The following GRSF1 variants were observed in gnomAD, a reference collection of about 807,000 sequenced individuals.
GRSF1 encodes G-rich sequence factor 1.
A neutral mutation model predicts 51.1 loss-of-function variants in GRSF1; 50 were observed. That is an observed-to-expected ratio of 0.98 (90% CI 0.78 to 1.24). The LOEUF is 1.24. GRSF1 is among the 50% of genes most tolerant of loss of function. The pLI, the probability that GRSF1 is intolerant of heterozygous loss-of-function variation, is 0.00. For synonymous variants in GRSF1, 293 were observed against 253.3 expected, an observed-to-expected ratio of 1.16 and a Z score of -1.49; for missense variants, 700 against 639.7, an observed-to-expected ratio of 1.09 and a Z score of -1.02.
chr4:70,837,478 C>T (rs1734261380), intron 1 of GRSF1, among the ~76,000 whole-genome samples: 2 of 145,828 alleles, frequency 1.4e-5, no homozygotes, highest in Admixed American at 1.4e-4. Context: ...GCAGGATAAT[C>T]GCCTGAACCC....
intron 5 of GRSF1, among the ~76,000 whole-genome samples, chr4:70,829,283 C>A (rs1037851962): frequency 3.3e-5 from 5 of 151,168 alleles, no homozygotes; most frequent in Admixed American, 1.3e-4. Flanking sequence ...AGCACTACTT[C>A]TTTAAAAAAA....
chr4:70,829,692 C>T (rs935183040), intron 5 of GRSF1, among the ~76,000 whole-genome samples: 5 of 152,118 alleles, frequency 3.3e-5, no homozygotes, highest in Non-Finnish European at 7.4e-5. Flanking sequence ...GTGGTACCAG[C>T]TACAAGGAAA....
In GRSF1 at chr4:70,839,627, C is replaced by G. The variant is rs1169445026; in HGVS notation, c.201G>C (p.Gln67His). Residue 67 changes from glutamine (Q) to histidine (H), a missense_variant, in exon 1 of 10, where the codon CAG (glutamine) becomes CAC (histidine). Gln to His is a conservative substitution (Grantham distance 24, BLOSUM62 0). Coordinates refer to ENST00000254799, the MANE Select transcript of GRSF1 (RefSeq NM_002092.4). ...AAAASQTRGL[Q>H]TGPVPPGRLA... ...GCCTCCCGGGAGGCACAGGCCCGGT[C>G]TGGAGGCCACGCGTCTGGGAGGCAG... The G allele has an allele frequency of 7.1e-7, 1 of 1,404,056 alleles. No individual in the cohort carries two copies. Among genetic ancestry groups the G allele is most frequent in the African/African-American group, 1.5e-5 (1 of 65,694 alleles). The allele number at this position is 1,404,056 out of a possible 1,614,324, so 87.0% of individuals were successfully genotyped here.
intron 6 of GRSF1, among the ~76,000 whole-genome samples, chr4:70,826,739 T>A (rs977078101): frequency 3.3e-5 from 5 of 152,034 alleles, no homozygotes; most frequent in Non-Finnish European, 7.4e-5. Flanking sequence ...TTCCAGCTAC[T>A]CAGGAGGCTG....
rs1474510072 is a variant in GRSF1 at position 70,819,913 on chromosome 4, CACACAATTAT to C, written c.*964_*973del. 3 of 152,638 alleles carry C rather than the reference CACACAATTAT, an allele frequency of 2.0e-5. No individual in the cohort carries two copies. The highest frequency in any genetic ancestry group is 2.9e-5 in the Non-Finnish European group (2 of 68,040). 9.5% of individuals were successfully genotyped at this position (152,638 alleles called of 1,614,324 possible). On this transcript the variant is annotated 3_prime_UTR_variant, in exon 10 of 10. Transcript: ENST00000254799. ...AGTACAGCTTTATCCATAAACCCTT[CACACAATTAT>C]ACATTAAATGCTATTTTTATTTAAG...
At chr4:70,830,456 A>C (rs1560598352) in intron 5 of GRSF1, among the ~76,000 whole-genome samples, 1 of 151,592 alleles carries the variant, frequency 6.6e-6, no homozygotes, top group Non-Finnish European at 1.5e-5. Context: ...TAAAAAAAAA[A>C]AAAAAACACA....
chr4:70,825,504 ATCTT>A, intron 7 of GRSF1, 73 bp from the exon 8 acceptor site: 1 of 1,240,022 alleles, frequency 8.1e-7, no homozygotes, highest in Non-Finnish European at 1.1e-6. Flanking sequence ...GTGGCTCTTC[ATCTT>A]TCTTTCAGAC....
At chr4:70,824,231 A>T in intron 9 of GRSF1, 63 bp downstream of exon 9, 1 of 743,048 alleles carries the variant, frequency 1.3e-6, no homozygotes, top group Non-Finnish European at 2.4e-6. Flanking sequence ...TGGCCTCCCA[A>T]AGTACTGGGA....
At chr4:70,836,615 G>A (rs540123464) in intron 1 of GRSF1, among the ~76,000 whole-genome samples, 1 of 152,260 alleles carries the variant, frequency 6.6e-6, no homozygotes, top group African/African-American at 2.4e-5. Context: ...GAAAGGTCCT[G>A]ACAATTTGAC....
Position 70,818,887 on chromosome 4 carries a change from T to C in GRSF1, c.*2000A>G, listed in dbSNP as rs1263507586. Reference sequence around the variant, plus strand: ...AGTCTTCTCAAATGTGGGGAGACGGTACCGTCTTCCACTTGCATGGAAATA... The same window carrying C: ...AGTCTTCTCAAATGTGGGGAGACGGCACCGTCTTCCACTTGCATGGAAATA... On this transcript the variant is annotated 3_prime_UTR_variant, in exon 10 of 10. Transcript: ENST00000254799. 6.6e-6 allele frequency: 1 copy of C among 152,194 alleles called. No homozygotes were observed. Among genetic ancestry groups the C allele is most frequent in the Non-Finnish European group, 1.5e-5 (1 of 68,038 alleles). The allele number at this position is 152,194 out of a possible 1,614,324, so 9.4% of individuals were successfully genotyped here.
chr4:70,827,968 T>C lies in GRSF1; in HGVS notation c.1019A>G (p.Lys340Arg). 1.2e-6 allele frequency: 2 copies of C among 1,612,798 alleles called. No homozygotes were observed. Among genetic ancestry groups the C allele is most frequent in the Middle Eastern group, 1.7e-4 (1 of 6,056 alleles). Residue 340 changes from lysine to arginine, a missense_variant, in exon 6 of 10, where the codon AAA becomes AGA. By Grantham distance (26) the Lys-to-Arg change is conservative. Coordinates refer to ENST00000254799, the MANE Select transcript of GRSF1 (RefSeq NM_002092.4). ...RTHVGSYKGK[K>R]IASFPTAKYI... ...CTTAGCAGTAGGAAAAGATGCGATTTTCTTTCCCTTATAAGAACCGACATG... is the reference window on the plus strand; with the variant it reads ...CTTAGCAGTAGGAAAAGATGCGATTCTCTTTCCCTTATAAGAACCGACATG...
chr4:70,830,928 G>A (rs1184038208), intron 5 of GRSF1, among the ~76,000 whole-genome samples: 1 of 151,984 alleles, frequency 6.6e-6, no homozygotes, highest in African/African-American at 2.4e-5. Flanking sequence ...TTGAAATTAT[G>A]TAAAAAAATT....
rs991974590 is a variant in GRSF1, at chr4:70,831,143, G to A, written c.950+396C>T. ...GAGGCCGAGGCGGGCGGATCACAAG[G>A]TCGAGAGATCGAGACCACCCTGGCC... On this transcript the variant is annotated intron_variant, in intron 5 of 9. Transcript: ENST00000254799. Among the ~76,000 whole-genome samples, 5 of 151,976 alleles carry A rather than the reference G, an allele frequency of 3.3e-5. No individual in the cohort carries two copies. In the East Asian group the frequency reaches 9.8e-4, roughly 30 times the overall value.
rs1733405931 is a variant in GRSF1 at position 70,818,877 on chromosome 4, G to A, written c.*2010C>T. 1 of 152,096 alleles carries A rather than the reference G, an allele frequency of 6.6e-6. No individual in the cohort carries two copies. Among genetic ancestry groups the A allele is most frequent in the African/African-American group, 2.4e-5 (1 of 41,416 alleles). The allele number at this position is 152,096 out of a possible 1,614,324, so 9.4% of individuals were successfully genotyped here. A position where few individuals can be genotyped will look rare whatever the true frequency, so the allele number is the denominator to read the frequency against. The stretch of plus-strand genomic sequence containing the variant: ...GATGCAAAACAGTCTTCTCAAATGT[G>A]GGGAGACGGTACCGTCTTCCACTTG... On this transcript the variant is annotated 3_prime_UTR_variant, in exon 10 of 10. Coordinates refer to ENST00000254799, the MANE Select transcript of GRSF1 (RefSeq NM_002092.4).
intron 7 of GRSF1, 38 bp from the exon 8 acceptor site, chr4:70,825,469 G>A: frequency 6.4e-7 from 1 of 1,571,658 alleles, no homozygotes; most frequent in Non-Finnish European, 8.7e-7. Flanking sequence ...GGAACATGAT[G>A]GATGTAAACC....
At position 70,818,651 on chromosome 4, in the gene GRSF1, C is replaced by T. The variant is rs868196979; in HGVS notation, c.*2236G>A. The T allele has an allele frequency of 6.6e-6, 1 of 152,214 alleles. No individual in the cohort carries two copies. The highest frequency in any genetic ancestry group is 2.1e-4 in the South Asian group (1 of 4,834). The allele number at this position is 152,214 out of a possible 1,614,324, so 9.4% of individuals were successfully genotyped here. A position where few individuals can be genotyped will look rare whatever the true frequency, so the allele number is the denominator to read the frequency against. ...ACCACAATATTCAGCAATCAGCTCC[C>T]TGGTATTTACATACTGCTTCTCAGA... On this transcript the variant is annotated 3_prime_UTR_variant, in exon 10 of 10. Coordinates refer to ENST00000254799, the MANE Select transcript of GRSF1 (RefSeq NM_002092.4).
At position 70,839,618 on chromosome 4, in the gene GRSF1, A is replaced by C; in HGVS notation, c.210T>G (p.Pro70=). 7.1e-7 allele frequency: 1 copy of C among 1,403,136 alleles called. No individual in the cohort carries two copies. 86.9% of individuals were successfully genotyped at this position (1,403,136 alleles called of 1,614,324 possible). A position where few individuals can be genotyped will look rare whatever the true frequency, so the allele number is the denominator to read the frequency against. The change falls in exon 1 of 10, where the codon CCT becomes CCG. Residue 70 remains proline (P), a synonymous_variant. Transcript: ENST00000254799. The part of the protein sequence containing the change: ...ASQTRGLQTG[P]VPPGRLAGPP... ...GCCCCGCCAGCCTCCCGGGAGGCAC[A>C]GGCCCGGTCTGGAGGCCACGCGTCT...
At chr4:70,832,542 G>A in intron 3 of GRSF1, 92 bp from the exon 4 acceptor site, 2 of 686,114 alleles carry the variant, frequency 2.9e-6, no homozygotes, top group East Asian at 5.4e-5. Flanking sequence ...TGGGTTATCT[G>A]AGAATTCAAT....
Position 70,827,849 on chromosome 4 carries a change from T to C in GRSF1, c.1135+3A>G. ...TGAGTCTCAAGAAGAGGCAGGACCT[T>C]ACCTATTTCCTTCTCACTTTCAAAA... On this transcript the variant is annotated splice_donor_region_variant and intron_variant, in intron 6 of 9. Transcript: ENST00000254799. 1 of 1,600,912 alleles carries C rather than the reference T, an allele frequency of 6.2e-7. No homozygotes were observed. The highest frequency in any genetic ancestry group is 8.5e-7 in the Non-Finnish European group (1 of 1,170,192).
Sources: gnomAD v4.1 joint callset for allele counts (sites outside exome capture counted in the v4.1 genomes callset) on GRCh38, gnomAD v4.1.1 for gene constraint, MANE v1.5 for transcripts, NCBI Gene and HGNC (gene_info 2026-07-23, HGNC 2026-07-21) for gene names.